Variants in SLC24A2 observed in about 807,000 individuals in gnomAD.
SLC24A2 encodes sodium/potassium/calcium exchanger 2.
A neutral mutation model predicts 62.0 loss-of-function variants in SLC24A2; 36 were observed. That is an observed-to-expected ratio of 0.58 (90% CI 0.44 to 0.77). The LOEUF (loss-of-function observed/expected upper bound fraction) is 0.77. Ranked by LOEUF, SLC24A2 falls within the 30% of genes least tolerant of loss-of-function variation. The pLI is 0.00. For synonymous variants in SLC24A2, 358 were observed against 294.0 expected (o/e 1.22, Z -2.23); for missense variants, 846 against 817.9 (o/e 1.03, Z -0.42).
At chr9:20,090,884 C>A in the SLC24A2 span, among the ~76,000 whole-genome samples, 5 of 151,934 alleles carry the variant, frequency 3.3e-5, no homozygotes, top group Non-Finnish European at 7.4e-5. Flanking sequence ...AAACATAATT[C>A]AGAATATGGA....
the SLC24A2 span, among the ~76,000 whole-genome samples, chr9:20,025,622 T>G: frequency 6.6e-6 from 1 of 152,216 alleles, no homozygotes; most frequent in African/African-American, 2.4e-5. Flanking sequence ...AGAGGAGCTA[T>G]GAAGATGAAT....
At chr9:20,215,668 G>T in the SLC24A2 span, among the ~76,000 whole-genome samples, 18 of 151,956 alleles carry the variant, frequency 1.2e-4, no homozygotes, top group African/African-American at 4.1e-4. Flanking sequence ...ATTTCTATCA[G>T]TAAGCTGATG....
At chr9:19,576,884 C>A in intron 6 of SLC24A2, 40 bp downstream of exon 6, 1 of 1,493,216 alleles carries the variant, frequency 6.7e-7, no homozygotes, top group Non-Finnish European at 9.3e-7. Context: ...CCCTCGCTTC[C>A]CCCAGGAAAG....
chr9:19,659,769 T>C (rs1337050358), intron 2 of SLC24A2, among the ~76,000 whole-genome samples: 1 of 152,114 alleles, frequency 6.6e-6, no homozygotes, highest in Non-Finnish European at 1.5e-5. Context: ...AGTGAGCTGA[T>C]TTCCTGAAGA....
chr9:19,800,744 T>G, the SLC24A2 span, among the ~76,000 whole-genome samples: 5 of 152,246 alleles, frequency 3.3e-5, no homozygotes, highest in African/African-American at 7.2e-5. Flanking sequence ...CCTATTGTTG[T>G]TTTCCAGTTA....
intron 2 of SLC24A2, among the ~76,000 whole-genome samples, chr9:19,636,335 C>CCT (rs1818340260): frequency 4.2e-5 from 1 of 24,022 alleles, no homozygotes; most frequent in African/African-American, 2.0e-4. Flanking sequence ...TTCTTTCTTT[C>CCT]TTTCTTTCTT....
chr9:19,652,895 G>A (rs532397570), intron 2 of SLC24A2, among the ~76,000 whole-genome samples: 16 of 151,898 alleles, frequency 1.1e-4, no homozygotes, highest in African/African-American at 3.6e-4. Flanking sequence ...CAGGCACTGT[G>A]ATTATGTGAG....
intron 2 of SLC24A2, among the ~76,000 whole-genome samples, chr9:19,667,446 C>T (rs146928670): frequency 9.9e-4 from 151 of 152,304 alleles, no homozygotes; most frequent in African/African-American, 3.5e-3. Context: ...GTCATTGCAT[C>T]CTGGTAGTTC....
At chr9:19,790,262 C>T (rs901042188), upstream of SLC24A2, among the ~76,000 whole-genome samples, 1 of 152,064 alleles carries the variant, frequency 6.6e-6, no homozygotes, top group African/African-American at 2.4e-5. Flanking sequence ...TAGAAAATTT[C>T]AAACATATAC....
chr9:20,034,717 C>T, the SLC24A2 span, among the ~76,000 whole-genome samples: 1 of 152,174 alleles, frequency 6.6e-6, no homozygotes. Context: ...ATCCGCCCGC[C>T]TTGACCTCCC....
the SLC24A2 span, among the ~76,000 whole-genome samples, chr9:20,040,106 A>G: frequency 4.3e-4 from 65 of 152,352 alleles, no homozygotes; most frequent in African/African-American, 1.5e-3. Context: ...TTCCAAGAAC[A>G]AGGTATGTGC....
chr9:19,788,850 A>G lies in SLC24A2; in HGVS notation c.-154+35T>C, dbSNP rs1162789639. On this transcript the variant is annotated intron_variant, in intron 1 of 10. Transcript: ENST00000341998. ...TGCGGGGACGACCGCCACAGCGGCT[A>G]CAGCGGCAGGCGGGGCGCAGCCGCC... is the stretch of plus-strand genomic sequence containing the variant. 8.1e-6 allele frequency: 8 copies of G among 985,346 alleles called. No homozygotes were observed. The East Asian group carries it at 7.9e-4, about 98-fold the overall frequency. 61.0% of individuals were successfully genotyped at this position (985,346 alleles called of 1,614,324 possible).
chr9:20,197,393 C>G, the SLC24A2 span, among the ~76,000 whole-genome samples: 1 of 143,246 alleles, frequency 7.0e-6, no homozygotes. Flanking sequence ...CCATTTAATT[C>G]TGCTAATTGG....
intron 8 of SLC24A2, among the ~76,000 whole-genome samples, chr9:19,544,549 T>C (rs1834451842): frequency 6.6e-6 from 1 of 152,202 alleles, no homozygotes; most frequent in Non-Finnish European, 1.5e-5. Flanking sequence ...ATTTGGTATG[T>C]TTTTGCAGTG....
chr9:20,108,163 A>G, the SLC24A2 span, among the ~76,000 whole-genome samples: 1 of 152,214 alleles, frequency 6.6e-6, no homozygotes, highest in Non-Finnish European at 1.5e-5. Flanking sequence ...ATCTCACACC[A>G]GTTAGAATGG....
chr9:19,793,610 C>T (rs1235652254), upstream of SLC24A2, among the ~76,000 whole-genome samples: 3 of 152,182 alleles, frequency 2.0e-5, no homozygotes, highest in Admixed American at 6.5e-5. Flanking sequence ...TCTTTTCAAT[C>T]TCATCAGTTT....
intron 8 of SLC24A2, among the ~76,000 whole-genome samples, chr9:19,548,426 T>A (rs140967331): frequency 6.6e-6 from 1 of 152,216 alleles, no homozygotes; most frequent in Non-Finnish European, 1.5e-5. Flanking sequence ...TTTCTACTTA[T>A]GCCAACAATA....
chr9:19,819,284 C>G, the SLC24A2 span, among the ~76,000 whole-genome samples: 1 of 152,116 alleles, frequency 6.6e-6, no homozygotes, highest in Admixed American at 6.6e-5. Context: ...TAGACATTGG[C>G]TTAGGCAAGG....
At chr9:20,155,174 ATTAGCTG>A in the SLC24A2 span, among the ~76,000 whole-genome samples, 8 of 151,792 alleles carry the variant, frequency 5.3e-5, no homozygotes, top group East Asian at 1.6e-3. Flanking sequence ...TAGGGTGGCA[ATTAGCTG>A]TTATGTAGAG....
Sources: gnomAD v4.1 joint callset for allele counts (sites outside exome capture counted in the v4.1 genomes callset) on GRCh38, gnomAD v4.1.1 for gene constraint, MANE v1.5 for transcripts, NCBI Gene and HGNC (gene_info 2026-07-23, HGNC 2026-07-21) for gene names.